STRN: variants seen among roughly 807,000 people sequenced by gnomAD.
STRN encodes the protein protein phosphatase 2 regulatory subunit B'''alpha.
STRN carries 53 observed loss-of-function variants against 96.3 expected under a neutral mutation model. That is an observed-to-expected ratio of 0.55 (90% CI 0.44 to 0.69). STRN has a LOEUF of 0.69. Among genes scored for constraint, STRN ranks in the 30% least tolerant of loss-of-function variants. The pLI is 0.00. For synonymous variants in STRN, 428 were observed against 355.9 expected, an observed-to-expected ratio of 1.20 and a Z score of -2.28; for missense variants, 987 against 963.9, an observed-to-expected ratio of 1.02 and a Z score of -0.32.
At chr2:36,936,484 A>T (rs1670704746) in intron 1 of STRN, among the ~76,000 whole-genome samples, 1 of 152,196 alleles carries the variant, frequency 6.6e-6, no homozygotes, top group Admixed American at 6.5e-5. Context: ...GACTAAGTGA[A>T]TGAACACGTA....
intron 1 of STRN, among the ~76,000 whole-genome samples, chr2:36,960,337 G>A (rs1177955626): frequency 2.6e-5 from 4 of 152,178 alleles, no homozygotes; most frequent in African/African-American, 7.2e-5. Context: ...GGCTGACACT[G>A]AAGGCAACCA....
Position 36,849,763 on chromosome 2 carries a change from A to G in STRN, c.2124T>C (p.Ala708=). The G allele has an allele frequency of 6.2e-7, 1 of 1,614,138 alleles. No individual in the cohort carries two copies. Among genetic ancestry groups the G allele is most frequent in the East Asian group, 2.2e-5 (1 of 44,886 alleles). ...LIHSMVAHLE[A]VTSLAVDPNG... is the part of the protein sequence containing the mutation. ...TGGGATCAACTGCTAAACTTGTAAC[A>G]GCTTCTAGGTGGGCTACCATCGAGT... The change falls in exon 17 of 18, where the codon GCT becomes GCC. Residue 708 remains alanine (A), a synonymous_variant. Transcript: ENST00000263918.
chr2:36,897,667 G>A (rs914491887), intron 6 of STRN, among the ~76,000 whole-genome samples: 1 of 151,826 alleles, frequency 6.6e-6, no homozygotes, highest in African/African-American at 2.4e-5. Context: ...TTGATCTCCT[G>A]ACCTAGTGAT....
At chr2:36,867,952 C>G in intron 11 of STRN, 91 bp from the exon 12 acceptor site, 1 of 1,007,310 alleles carries the variant, frequency 9.9e-7, no homozygotes, top group Non-Finnish European at 1.4e-6. Flanking sequence ...AAAATACAAA[C>G]ATTATGGGAA....
chr2:36,877,888 T>C lies in STRN; in HGVS notation c.1323+3A>G. Reference sequence around the variant, plus strand: ...ACACAACAAAAACAAAACTACTACTTACATCATAAGTTAGTGAGTCTGCTT... The same window carrying C: ...ACACAACAAAAACAAAACTACTACTCACATCATAAGTTAGTGAGTCTGCTT... On this transcript the variant is annotated splice_donor_region_variant and intron_variant, in intron 10 of 17. Transcript: ENST00000263918. 2 of 1,612,696 alleles carry C rather than the reference T, an allele frequency of 1.2e-6. No individual in the cohort carries two copies. The highest frequency in any genetic ancestry group is 1.3e-5 in the African/African-American group (1 of 74,970).
chr2:36,925,038 A>G, intron 2 of STRN, 67 bp downstream of exon 2: 2 of 1,462,068 alleles, frequency 1.4e-6, no homozygotes, highest in Non-Finnish European at 9.5e-7. Context: ...CCTGGGCAAC[A>G]AGAACGAAAC....
At chr2:36,926,600 C>A (rs191639614) in intron 1 of STRN, among the ~76,000 whole-genome samples, 1 of 152,290 alleles carries the variant, frequency 6.6e-6, no homozygotes, top group East Asian at 1.9e-4. Context: ...TGTTCCTATT[C>A]AGTACCACAA....
chr2:36,881,978 G>A (rs1174938747), intron 9 of STRN, among the ~76,000 whole-genome samples: 7 of 152,130 alleles, frequency 4.6e-5, no homozygotes, highest in African/African-American at 1.7e-4. Context: ...CCTCACATCT[G>A]TAATTCAAAA....
rs1376642988 is a variant in STRN, at chr2:36,845,889, ACACACACACACACACACGCATGCATG to A, written c.*3541_*3566del. On this transcript the variant is annotated 3_prime_UTR_variant, in exon 18 of 18. Transcript: ENST00000263918. ...AGGACCTTCACAGATTGGTAAACAC[ACACACACACACACACACGCATGCATG>A]CACACACACACACACACACACACAC... 0.048 allele frequency: 2,547 copies of A among 52,690 alleles called. 58 individuals are homozygous for A. The highest frequency in any genetic ancestry group is 0.078 in the Non-Finnish European group (1,860 of 23,830). The allele number at this position is 52,690 out of a possible 1,614,324, so 3.3% of individuals were successfully genotyped here.
At chr2:36,850,167 T>C (rs753658250) in intron 16 of STRN, among the ~76,000 whole-genome samples, 1 of 152,082 alleles carries the variant, frequency 6.6e-6, no homozygotes, top group African/African-American at 2.4e-5. Context: ...AGAATTCAAA[T>C]TCACAGAGAG....
chr2:36,883,387 G>A (rs1430500394), intron 9 of STRN, among the ~76,000 whole-genome samples: 4 of 152,192 alleles, frequency 2.6e-5, no homozygotes, highest in African/African-American at 9.7e-5. Flanking sequence ...AACCTGGGAG[G>A]TGGAGGTTGT....
chr2:36,839,040 C>G lies in STRN; in HGVS notation c.*10416G>C, dbSNP rs1471088846. On this transcript the variant is annotated 3_prime_UTR_variant, in exon 18 of 18. Transcript: ENST00000263918. Reference sequence around the variant, plus strand: ...TGCAGCATAATATGTAGAATAAAACCCCATATGTAATAACTGGGTATACAC... The same window carrying G: ...TGCAGCATAATATGTAGAATAAAACGCCATATGTAATAACTGGGTATACAC... 6.6e-6 allele frequency among the ~76,000 whole-genome samples: 1 copy of G among 152,032 alleles called. No individual in the cohort carries two copies. Among genetic ancestry groups the G allele is most frequent in the East Asian group, 1.9e-4 (1 of 5,188 alleles).
intron 10 of STRN, among the ~76,000 whole-genome samples, chr2:36,874,731 A>AAC (rs1553395102): frequency 1.5e-5 from 2 of 137,170 alleles, no homozygotes; most frequent in Admixed American, 6.9e-5. Flanking sequence ...AAAAAAAAAA[A>AAC]AAAAAAAAAC....
chr2:36,920,804 C>T (rs1219715719), intron 2 of STRN, among the ~76,000 whole-genome samples: 3 of 152,016 alleles, frequency 2.0e-5, no homozygotes, highest in Non-Finnish European at 4.4e-5. Context: ...CTGCCAGGCG[C>T]GGTGGCTCAC....
intron 1 of STRN, among the ~76,000 whole-genome samples, chr2:36,940,471 A>G (rs1670817197): frequency 6.6e-6 from 1 of 152,168 alleles, no homozygotes; most frequent in Non-Finnish European, 1.5e-5. Context: ...GAAGCTGAGT[A>G]AAAGTTTCCT....
rs1667972902 is a variant in STRN at position 36,842,382 on chromosome 2, T to C, written c.*7074A>G. ...ATTATAGCACATAAATTAATAACAC[T>C]ATAGTACTCCAAGTGCTGTTTAACA... On this transcript the variant is annotated 3_prime_UTR_variant, in exon 18 of 18. Transcript: ENST00000263918. The C allele has an allele frequency of 1.3e-5, 2 of 152,280 alleles. No homozygotes were observed. The highest frequency in any genetic ancestry group is 6.5e-5 in the Admixed American group (1 of 15,284). 9.4% of individuals were successfully genotyped at this position (152,280 alleles called of 1,614,324 possible). A position where few individuals can be genotyped will look rare whatever the true frequency, so the allele number is the denominator to read the frequency against.
chr2:36,917,295 A>T (rs938347634), intron 2 of STRN, among the ~76,000 whole-genome samples: 1 of 151,690 alleles, frequency 6.6e-6, no homozygotes, highest in East Asian at 1.9e-4. Flanking sequence ...GCCAAGGTAG[A>T]TGGATCACCA....
chr2:36,849,146 C>G lies in STRN; in HGVS notation c.*310G>C, dbSNP rs1036869090. On this transcript the variant is annotated 3_prime_UTR_variant, in exon 18 of 18. Coordinates refer to ENST00000263918, the MANE Select transcript of STRN (RefSeq NM_003162.4). ...GCATGCCCTACTTACTCAACAGGGA[C>G]AAGCTAAACTTGTATTCGCTCAGGC... 3.6e-5 allele frequency: 10 copies of G among 275,118 alleles called. No individual in the cohort carries two copies. Among genetic ancestry groups the G allele is most frequent in the Admixed American group, 1.4e-4 (3 of 21,086 alleles). 17.0% of individuals were successfully genotyped at this position (275,118 alleles called of 1,614,324 possible).
At chr2:36,881,017 C>A (rs978240568) in intron 9 of STRN, among the ~76,000 whole-genome samples, 3 of 151,734 alleles carry the variant, frequency 2.0e-5, no homozygotes, top group African/African-American at 7.3e-5. Flanking sequence ...GACTATAGGT[C>A]ACGTTTCCAT....
Sources: gnomAD v4.1 joint callset for allele counts (sites outside exome capture counted in the v4.1 genomes callset) on GRCh38, gnomAD v4.1.1 for gene constraint, MANE v1.5 for transcripts, NCBI Gene and HGNC (gene_info 2026-07-23, HGNC 2026-07-21) for gene names.